ADAMTS17: variants seen among roughly 807,000 people sequenced by gnomAD.
ADAMTS17 encodes A disintegrin and metalloproteinase with thrombospondin motifs 17.
ADAMTS17 carries 113 observed loss-of-function variants against 141.5 expected under a neutral mutation model. The ratio of observed to expected loss-of-function variants is 0.80; its 90% confidence interval spans 0.69 to 0.93. ADAMTS17 has a LOEUF of 0.93. Among genes scored for constraint, ADAMTS17 ranks in the 40% least tolerant of loss-of-function variants. The pLI is 0.00. For missense variants in ADAMTS17, 1,659 were observed against 1,517.9 expected (o/e 1.09, Z -1.54); for synonymous variants, 768 against 630.6 (o/e 1.22, Z -3.27).
Position 100,222,403 on chromosome 15 carries a change from A to G in ADAMTS17, c.1076-22980T>C, listed in dbSNP as rs145511416. Among the ~76,000 whole-genome samples the G allele has an allele frequency of 1.2e-3, 185 of 151,744 alleles. 1 individual carries two copies. Among genetic ancestry groups the G allele is most frequent in the Admixed American group, 2.4e-3 (37 of 15,278 alleles). On this transcript the variant is annotated intron_variant, in intron 7 of 21. Coordinates refer to ENST00000268070, the MANE Select transcript of ADAMTS17 (RefSeq NM_139057.4). ...GTCTGAACAGAAAGACATGATTCAA[A>G]TAAGCGTGGCTTTGTTCTGCCGCAT... is the stretch of plus-strand genomic sequence containing the variant.
At chr15:100,003,976 C>A (rs980872642) in intron 18 of ADAMTS17, among the ~76,000 whole-genome samples, 8 of 152,194 alleles carry the variant, frequency 5.3e-5, no homozygotes, top group African/African-American at 1.7e-4. Context: ...GTACTTACTG[C>A]CACTGAACTG....
intron 15 of ADAMTS17, among the ~76,000 whole-genome samples, chr15:100,090,036 A>C (rs1398660317): frequency 2.6e-5 from 4 of 152,038 alleles, no homozygotes; most frequent in African/African-American, 9.7e-5. Context: ...AAATTGGAAA[A>C]AAAATTGTGT....
chr15:100,229,167 C>T (rs1325811792), intron 7 of ADAMTS17, among the ~76,000 whole-genome samples: 1 of 152,122 alleles, frequency 6.6e-6, no homozygotes, highest in Non-Finnish European at 1.5e-5. Context: ...ACTGACACTG[C>T]AGGTGCTGAG....
intron 7 of ADAMTS17, among the ~76,000 whole-genome samples, chr15:100,242,243 A>C (rs1347238068): frequency 6.6e-6 from 1 of 152,130 alleles, no homozygotes; most frequent in Non-Finnish European, 1.5e-5. Context: ...TGCTCTTTAC[A>C]CCGTGAGTCC....
intron 18 of ADAMTS17, among the ~76,000 whole-genome samples, chr15:100,037,662 G>C (rs1473711841): frequency 2.0e-4 from 30 of 151,104 alleles, no homozygotes; most frequent in Admixed American, 2.0e-3. Flanking sequence ...GTCTGCCTCG[G>C]CCTCCCAAAG....
chr15:100,033,989 G>T (rs73482784), intron 18 of ADAMTS17, among the ~76,000 whole-genome samples: 1,632 of 152,316 alleles, frequency 0.011, 35 homozygotes, highest in African/African-American at 0.037. Context: ...GATGCCATCA[G>T]CTTATTGGAT....
chr15:100,047,743 G>A (rs888964864), intron 18 of ADAMTS17, among the ~76,000 whole-genome samples: 3 of 152,140 alleles, frequency 2.0e-5, no homozygotes, highest in Non-Finnish European at 2.9e-5. Flanking sequence ...AGAAGAGGCT[G>A]TAGCCTGTTA....
chr15:100,158,150 G>C (rs1310695368), intron 8 of ADAMTS17, among the ~76,000 whole-genome samples: 1 of 152,160 alleles, frequency 6.6e-6, no homozygotes, highest in African/African-American at 2.4e-5. Flanking sequence ...GCCTCCCAAA[G>C]TGCTGGGATT....
In ADAMTS17 at chr15:100,281,338, C is replaced by G. The variant is rs765469997; in HGVS notation, c.680G>C (p.Arg227Pro). The change falls in exon 4 of 22, where the codon CGG becomes CCG. Residue 227 changes from arginine (R) to proline (P), a missense_variant. Coordinates refer to ENST00000268070, the MANE Select transcript of ADAMTS17 (RefSeq NM_139057.4). Reference protein sequence around the residue: ...RDWRERRNAIRLTSEHTVETL... With the variant: ...RDWRERRNAIPLTSEHTVETL... ...CTCCACCGTGTGCTCGCTGGTGAGC[C>G]GGATAGCGTTCCTCCGCTCCCGCCA... is the stretch of plus-strand genomic sequence containing the variant. 1.9e-6 allele frequency: 3 copies of G among 1,610,564 alleles called. No homozygotes were observed. The highest frequency in any genetic ancestry group is 1.7e-6 in the Non-Finnish European group (2 of 1,179,914).
At chr15:100,252,177 A>G (rs541928448) in intron 7 of ADAMTS17, among the ~76,000 whole-genome samples, 1 of 152,364 alleles carries the variant, frequency 6.6e-6, no homozygotes, top group South Asian at 2.1e-4. Context: ...GAAAGCTTTT[A>G]TATATTCAAA....
At chr15:100,179,780 T>G (rs2040461382) in intron 8 of ADAMTS17, among the ~76,000 whole-genome samples, 1 of 152,246 alleles carries the variant, frequency 6.6e-6, no homozygotes, top group Non-Finnish European at 1.5e-5. Flanking sequence ...TTGATCTGCA[T>G]TTCTCTGATG....
chr15:100,214,664 C>T (rs2041915010), intron 7 of ADAMTS17, among the ~76,000 whole-genome samples: 1 of 152,194 alleles, frequency 6.6e-6, no homozygotes, highest in South Asian at 2.1e-4. Flanking sequence ...CTGACCTGGC[C>T]ATGCTCTATT....
intron 7 of ADAMTS17, among the ~76,000 whole-genome samples, chr15:100,223,445 T>C (rs986082249): frequency 1.3e-5 from 2 of 152,060 alleles, no homozygotes; most frequent in African/African-American, 4.8e-5. Context: ...TATAACCATG[T>C]TTCAAAGTGC....
intron 18 of ADAMTS17, among the ~76,000 whole-genome samples, chr15:100,013,341 T>C (rs761677005): frequency 3.9e-5 from 6 of 152,190 alleles, no homozygotes; most frequent in African/African-American, 1.2e-4. Flanking sequence ...CAGTCACAGT[T>C]TGACTTCCTC....
chr15:100,039,702 TG>T (rs1181554965), intron 18 of ADAMTS17, among the ~76,000 whole-genome samples: 2 of 152,216 alleles, frequency 1.3e-5, no homozygotes, highest in African/African-American at 2.4e-5. Context: ...CAAATTCTGC[TG>T]TTGTTAGGTG....
At chr15:100,249,052 G>A (rs1337120501) in intron 7 of ADAMTS17, among the ~76,000 whole-genome samples, 1 of 152,124 alleles carries the variant, frequency 6.6e-6, no homozygotes, top group Non-Finnish European at 1.5e-5. Flanking sequence ...GCCCACCTCG[G>A]CCTCCCAAAG....
intron 6 of ADAMTS17, among the ~76,000 whole-genome samples, chr15:100,261,217 G>C (rs930008727): frequency 1.3e-5 from 2 of 152,172 alleles, no homozygotes; most frequent in African/African-American, 4.8e-5. Flanking sequence ...GGGAAGTCTG[G>C]ACAGAGTCAC....
At chr15:100,001,416 A>C (rs568555139) in intron 18 of ADAMTS17, among the ~76,000 whole-genome samples, 16 of 151,646 alleles carry the variant, frequency 1.1e-4, no homozygotes, top group Admixed American at 4.6e-4. Context: ...GGGCAGTGAA[A>C]CTGCTTTGTA....
At chr15:100,157,260 T>A (rs1161898311) in intron 8 of ADAMTS17, among the ~76,000 whole-genome samples, 1 of 151,994 alleles carries the variant, frequency 6.6e-6, no homozygotes, top group African/African-American at 2.4e-5. Context: ...CCAAACCATA[T>A]CAGAAGGTGA....
Sources: allele counts gnomAD v4.1 joint callset (sites outside exome capture counted in the v4.1 genomes callset), GRCh38; gene constraint gnomAD v4.1.1; transcripts MANE v1.5; gene names NCBI Gene and HGNC (gene_info 2026-07-23, HGNC 2026-07-21).